HDHD5: variants seen among roughly 807,000 people sequenced by gnomAD.
HDHD5 encodes haloacid dehalogenase like hydrolase domain containing 5.
HDHD5 carries 34 observed loss-of-function variants against 35.5 expected under a neutral mutation model. The observed-to-expected ratio is 0.96, with a 90% CI of 0.73 to 1.28. The LOEUF (loss-of-function observed/expected upper bound fraction) is 1.28, where lower values mean the gene tolerates loss of function less well. HDHD5 is among the 50% of genes most tolerant of loss of function. The probability of loss-of-function intolerance (pLI) is 0.00; values close to 1 mark genes in which losing one functional copy is unlikely to be tolerated. For missense variants in HDHD5, 589 were observed against 560.2 expected, an observed-to-expected ratio of 1.05 and a Z score of -0.52; for synonymous variants, 248 against 240.6, an observed-to-expected ratio of 1.03 and a Z score of -0.29.
At position 17,138,629 on chromosome 22, in the gene HDHD5, GGTAA is replaced by G; in HGVS notation, c.852_855del (p.Tyr285SerfsTer6). On this transcript the variant is annotated frameshift_variant, in exon 7 of 8. Transcript: ENST00000336737. LOFTEE classifies it high-confidence loss of function. ...CGCCTGATCAGGTCCTCGGCATACTGGTAAGTGAGGATGCTGGGTTTGCCCATCA... is the reference window on the plus strand; with the variant it reads ...CGCCTGATCAGGTCCTCGGCATACTGGTGAGGATGCTGGGTTTGCCCATCA... 2 of 1,614,212 alleles carry G rather than the reference GGTAA, an allele frequency of 1.2e-6. No homozygotes were observed. The highest frequency in any genetic ancestry group is 1.6e-4 in the Middle Eastern group (1 of 6,062).
chr22:17,152,170 G>A (rs1281472257), intron 1 of HDHD5, among the ~76,000 whole-genome samples: 1 of 152,192 alleles, frequency 6.6e-6, no homozygotes. Context: ...GCCATCACAG[G>A]TCTCCGAGGC....
At chr22:17,154,264 C>T (rs2061759989) in intron 1 of HDHD5, among the ~76,000 whole-genome samples, 1 of 151,612 alleles carries the variant, frequency 6.6e-6, no homozygotes, top group African/African-American at 2.4e-5. Context: ...GGGCAGATCG[C>T]CTGAGGTTGG....
chr22:17,143,965 G>A (rs767014222), intron 4 of HDHD5, among the ~76,000 whole-genome samples: 1 of 152,210 alleles, frequency 6.6e-6, no homozygotes, highest in African/African-American at 2.4e-5. Context: ...TGAGTTAGGG[G>A]ACAAAGTCAG....
chr22:17,144,661 G>A (rs532404729), intron 4 of HDHD5, among the ~76,000 whole-genome samples: 176 of 152,134 alleles, frequency 1.2e-3, no homozygotes, highest in African/African-American at 4.0e-3. Context: ...TGATCCACCC[G>A]CCTTGGCCTC....
chr22:17,160,040 T>C (rs540071674), upstream of HDHD5, among the ~76,000 whole-genome samples: 1 of 152,192 alleles, frequency 6.6e-6, no homozygotes, highest in Non-Finnish European at 1.5e-5. Context: ...CCCCCGGTCA[T>C]GAGGGGAGAT....
chr22:17,140,443 G>A (rs991493057), intron 6 of HDHD5, among the ~76,000 whole-genome samples: 5 of 152,088 alleles, frequency 3.3e-5, no homozygotes, highest in African/African-American at 9.7e-5. Context: ...ATCCTTGGCC[G>A]GCATGATGGA....
At chr22:17,146,166 C>T (rs768557153) in intron 3 of HDHD5, among the ~76,000 whole-genome samples, 2 of 152,058 alleles carry the variant, frequency 1.3e-5, no homozygotes, top group African/African-American at 4.8e-5. Context: ...CCTTCCTCTC[C>T]CTATCCCATT....
At chr22:17,153,481 C>T (rs894650876) in intron 1 of HDHD5, among the ~76,000 whole-genome samples, 2 of 152,170 alleles carry the variant, frequency 1.3e-5, no homozygotes, top group African/African-American at 4.8e-5. Context: ...CTCCTCAATA[C>T]ACTCATGTAC....
At chr22:17,151,475 A>G (rs547241687) in intron 1 of HDHD5, among the ~76,000 whole-genome samples, 16 of 152,218 alleles carry the variant, frequency 1.1e-4, no homozygotes, top group Non-Finnish European at 1.8e-4. Flanking sequence ...CACGCCTGTA[A>G]TCCCAGCACT....
chr22:17,159,526 C>T (rs571008006), upstream of HDHD5: 17 of 460,896 alleles, frequency 3.7e-5, no homozygotes, highest in Non-Finnish European at 6.4e-5. Flanking sequence ...GGCGTCCGTA[C>T]TATCGCCCTG....
intron 5 of HDHD5, chr22:17,142,676 C>T (rs1443466882): frequency 6.4e-6 from 1 of 157,384 alleles, no homozygotes; most frequent in Non-Finnish European, 1.4e-5. Flanking sequence ...CCTTTTATAT[C>T]CCCCTATTAC....
Position 17,159,222 on chromosome 22 carries a change from G to A in HDHD5, c.30C>T (p.Leu10=), listed in dbSNP as rs1338162348. 8 of 1,179,318 alleles carry A rather than the reference G, an allele frequency of 6.8e-6. No homozygotes were observed. In the South Asian group the frequency reaches 1.3e-4, roughly 19 times the overall value. 73.1% of individuals were successfully genotyped at this position (1,179,318 alleles called of 1,614,324 possible). The change falls in exon 1 of 8, where the codon CTC becomes CTT. Residue 10 remains leucine (L), a synonymous_variant. Transcript: ENST00000336737. Reference sequence around the variant, plus strand: ...GCCAGCAAAGCCCACGCGCCGCGCCGAGCGCAGCCACACAGCCCCACGCAG... The same window carrying A: ...GCCAGCAAAGCCCACGCGCCGCGCCAAGCGCAGCCACACAGCCCCACGCAG... MAAWGCVAA[L]GAARGLCWRA... is the part of the protein sequence containing the mutation.
chr22:17,157,713 G>A (rs974526880), intron 1 of HDHD5, among the ~76,000 whole-genome samples: 10 of 152,116 alleles, frequency 6.6e-5, no homozygotes, highest in East Asian at 1.9e-4. Context: ...CCTTGGTCAC[G>A]TCTAGCTATG....
chr22:17,137,743 G>A lies in HDHD5; in HGVS notation c.*278C>T. On this transcript the variant is annotated 3_prime_UTR_variant, in exon 8 of 8. Coordinates refer to ENST00000336737, the MANE Select transcript of HDHD5 (RefSeq NM_033070.3). ...CTACTGAAATGAGAAGGACACTGAGGCACACAGGGGAAGAGAATGGCCTGA... is the reference window on the plus strand; with the variant it reads ...CTACTGAAATGAGAAGGACACTGAGACACACAGGGGAAGAGAATGGCCTGA... 2.4e-6 allele frequency: 1 copy of A among 414,320 alleles called. No homozygotes were observed. Among genetic ancestry groups the A allele is most frequent in the Non-Finnish European group, 4.4e-6 (1 of 227,224 alleles). 25.7% of individuals were successfully genotyped at this position (414,320 alleles called of 1,614,324 possible). A position where few individuals can be genotyped will look rare whatever the true frequency, so the allele number is the denominator to read the frequency against.
chr22:17,145,219 A>C, intron 3 of HDHD5, 102 bp from the exon 4 acceptor site: 4 of 1,543,904 alleles, frequency 2.6e-6, no homozygotes, highest in Non-Finnish European at 3.5e-6. Context: ...CTCCTGATCA[A>C]GCCAGGCAGG....
intron 1 of HDHD5, 102 bp downstream of exon 1, chr22:17,159,024 A>ACC: frequency 9.6e-7 from 1 of 1,042,860 alleles, no homozygotes; most frequent in Non-Finnish European, 1.2e-6. Flanking sequence ...AGTTCCCAGG[A>ACC]GGCTGGGATA....
In HDHD5 at chr22:17,141,128, G is replaced by T. The variant is rs144547909; in HGVS notation, c.677C>A (p.Pro226His). 5.0e-6 allele frequency: 8 copies of T among 1,596,576 alleles called. No individual in the cohort carries two copies. The African/African-American group carries it at 1.1e-4, about 22-fold the overall frequency. The change falls in exon 6 of 8, where the codon CCC becomes CAC. Residue 226 changes from proline (P) to histidine (H), a missense_variant. Coordinates refer to ENST00000336737, the MANE Select transcript of HDHD5 (RefSeq NM_033070.3). Reference sequence around the variant, plus strand: ...GGCTAGGACGGGGAGGTGGGGGTAGGGGGGTGTTGCCAGGCCAGCCCCAGG... The same window carrying T: ...GGCTAGGACGGGGAGGTGGGGGTAGTGGGGTGTTGCCAGGCCAGCCCCAGG... ...GSPGAGLATP[P>H]YPHLPVLASN...
chr22:17,154,757 G>A (rs1442290731), intron 1 of HDHD5, among the ~76,000 whole-genome samples: 1 of 151,230 alleles, frequency 6.6e-6, no homozygotes, highest in African/African-American at 2.4e-5. Flanking sequence ...CAAGTAGCTG[G>A]GACTACAAGT....
intron 1 of HDHD5, among the ~76,000 whole-genome samples, chr22:17,156,569 G>T (rs1346603524): frequency 1.3e-5 from 2 of 152,182 alleles, no homozygotes; most frequent in African/African-American, 4.8e-5. Flanking sequence ...GAGGTTAGGA[G>T]ATCGAGACCA....
Sources: gnomAD v4.1 joint callset for allele counts (sites outside exome capture counted in the v4.1 genomes callset) on GRCh38, gnomAD v4.1.1 for gene constraint, MANE v1.5 for transcripts, NCBI Gene and HGNC (gene_info 2026-07-23, HGNC 2026-07-21) for gene names.